BRAF: variants seen among roughly 807,000 people sequenced by gnomAD.
BRAF encodes B-Raf proto-oncogene, serine/threonine kinase, also known as serine/threonine-protein kinase B-raf.
Under a neutral mutation model 104.6 loss-of-function variants are expected in BRAF, and 16 were observed. The observed-to-expected ratio is 0.15, with a 90% CI of 0.10 to 0.23. The LOEUF (loss-of-function observed/expected upper bound fraction) is 0.23. Ranked by LOEUF, BRAF falls within the 10% of genes least tolerant of loss-of-function variation. BRAF has a pLI of 1.00. For missense variants in BRAF, 541 were observed against 937.3 expected, an observed-to-expected ratio of 0.58 and a Z score of 5.52; for synonymous variants, 310 against 341.6, an observed-to-expected ratio of 0.91 and a Z score of 1.02.
rs1306720885 is a variant in BRAF at position 140,720,541 on chromosome 7, TAAAA to T, written c.*5949_*5952del. 2.8e-5 allele frequency: 30 copies of T among 1,065,184 alleles called. No homozygotes were observed. The Admixed American group carries it at 3.7e-4, about 13-fold the overall frequency. The allele number at this position is 1,065,184 out of a possible 1,614,324, so 66.0% of individuals were successfully genotyped here. On this transcript the variant is annotated 3_prime_UTR_variant, in exon 20 of 20. Transcript: ENST00000644969. Reference sequence around the variant, plus strand: ...AAATGTATTAGGAAGGAATGATTCTTAAAAAAACCGTTCACAGCTTAGAATAAAA... The same window carrying T: ...AAATGTATTAGGAAGGAATGATTCTTAAACCGTTCACAGCTTAGAATAAAA...
At chr7:140,739,789 G>T (rs2130898598) in intron 18 of BRAF, 23 bp downstream of exon 17, 1 of 1,611,348 alleles carries the variant, frequency 6.2e-7, no homozygotes, top group Non-Finnish European at 8.5e-7. Flanking sequence ...TGTTCTTTTG[G>T]ATAGCATGAA....
In BRAF at chr7:140,908,305, T is replaced by C. The variant is rs371589364; in HGVS notation, c.138+16261A>G. Among the ~76,000 whole-genome samples the C allele has an allele frequency of 7.9e-5, 12 of 152,326 alleles. 1 individual carries two copies. The South Asian group carries it at 8.3e-4, about 11-fold the overall frequency. Reference sequence around the variant, plus strand: ...CATTGCTGAAAGAATTCTACATATATATTACATATTATATATCTCTCAGGT... The same window carrying C: ...CATTGCTGAAAGAATTCTACATATACATTACATATTATATATCTCTCAGGT... On this transcript the variant is annotated intron_variant, in intron 1 of 19. Coordinates refer to ENST00000644969, the MANE Select transcript of BRAF (RefSeq NM_001374258.1).
In BRAF at chr7:140,719,838, C is replaced by A. The variant is rs952384670; in HGVS notation, c.*6656G>T. 7 of 1,063,000 alleles carry A rather than the reference C, an allele frequency of 6.6e-6. No individual in the cohort carries two copies. Among genetic ancestry groups the A allele is most frequent in the Non-Finnish European group, 6.8e-6 (6 of 877,922 alleles). The allele number at this position is 1,063,000 out of a possible 1,614,324, so 65.8% of individuals were successfully genotyped here. The stretch of plus-strand genomic sequence containing the variant: ...GGGCACGCCCCAGACTCCACGAGAA[C>A]CTTTTCAATGCTTGAGTGGAACTGA... On this transcript the variant is annotated 3_prime_UTR_variant, in exon 20 of 20. Transcript: ENST00000644969.
intron 17 of BRAF, chr7:140,740,296 G>T: frequency 4.8e-6 from 1 of 209,586 alleles, no homozygotes. Flanking sequence ...AATTTATTCA[G>T]CACTTCTTGT....
At chr7:140,741,152 T>C (rs897299321) in intron 17 of BRAF, 14 of 152,146 alleles carry the variant, frequency 9.2e-5, no homozygotes, top group Non-Finnish European at 1.6e-4. Flanking sequence ...TACTTGGCTA[T>C]CAGTGGAAAA....
chr7:140,909,361 G>C (rs935138320), intron 1 of BRAF, among the ~76,000 whole-genome samples: 7 of 152,062 alleles, frequency 4.6e-5, no homozygotes, highest in African/African-American at 1.7e-4. Flanking sequence ...GGAGGCGAAG[G>C]TTTTGGTGAG....
intron 3 of BRAF, among the ~76,000 whole-genome samples, chr7:140,818,090 A>G (rs1465608604): frequency 6.6e-6 from 1 of 152,054 alleles, no homozygotes; most frequent in Non-Finnish European, 1.5e-5. Flanking sequence ...AAATACAAAA[A>G]TATGATTGAA....
chr7:140,877,593 C>G (rs1032694937), intron 1 of BRAF, among the ~76,000 whole-genome samples: 3 of 151,966 alleles, frequency 2.0e-5, no homozygotes, highest in African/African-American at 4.8e-5. Flanking sequence ...AAGACCAATA[C>G]AATTTACAAA....
intron 1 of BRAF, among the ~76,000 whole-genome samples, chr7:140,885,866 A>G (rs762219238): frequency 1.3e-5 from 2 of 152,184 alleles, no homozygotes; most frequent in African/African-American, 4.8e-5. Context: ...TGTATGTGGG[A>G]GTAAGAGTAT....
At chr7:140,738,604 G>A (rs1329670322) in intron 18 of BRAF, among the ~76,000 whole-genome samples, 1 of 152,082 alleles carries the variant, frequency 6.6e-6, no homozygotes, top group Non-Finnish European at 1.5e-5. Flanking sequence ...AGCTAGTTGA[G>A]GTATTTAGAT....
chr7:140,751,698 GC>G (rs1269381123), intron 16 of BRAF, among the ~76,000 whole-genome samples: 11 of 152,054 alleles, frequency 7.2e-5, no homozygotes, highest in Non-Finnish European at 1.6e-4. Context: ...CTTCCACCTT[GC>G]CACCTGCCCT....
At chr7:140,728,546 A>G (rs1563225481) in intron 19 of BRAF, among the ~76,000 whole-genome samples, 1 of 151,558 alleles carries the variant, frequency 6.6e-6, no homozygotes, top group East Asian at 1.9e-4. Context: ...TCTAGCACTG[A>G]TTTAAAAAAA....
intron 1 of BRAF, among the ~76,000 whole-genome samples, chr7:140,854,666 C>T (rs2129077411): frequency 6.6e-6 from 1 of 152,246 alleles, no homozygotes; most frequent in South Asian, 2.1e-4. Context: ...TAAGATTGGG[C>T]TGGGAGTGGT....
chr7:140,791,587 A>G (rs1399226443), intron 8 of BRAF, among the ~76,000 whole-genome samples: 3 of 145,876 alleles, frequency 2.1e-5, no homozygotes, highest in African/African-American at 4.9e-5. Context: ...TGACATAAAT[A>G]TGCTAATTAC....
Position 140,763,411 on chromosome 7 carries a change from C to A in BRAF, c.1815-9178G>T, listed in dbSNP as rs1017488055. On this transcript the variant is annotated intron_variant, in intron 14 of 19. Transcript: ENST00000644969. ...CTCCTCACTTCCCAGTAGGGGCGGCCGGGCAGAGGCGCCCCTCACCTCCCG... is the reference window on the plus strand; with the variant it reads ...CTCCTCACTTCCCAGTAGGGGCGGCAGGGCAGAGGCGCCCCTCACCTCCCG... Among the ~76,000 whole-genome samples, 4 of 150,364 alleles carry A rather than the reference C, an allele frequency of 2.7e-5. No individual in the cohort carries two copies. The East Asian group carries it at 7.9e-4, about 30-fold the overall frequency.
intron 3 of BRAF, 181 bp downstream of exon 3, chr7:140,834,428 T>C: frequency 1.2e-6 from 1 of 869,568 alleles, no homozygotes. Context: ...ATACCATTTA[T>C]TTCAGTTAAG....
rs374126926 is a variant in BRAF, at chr7:140,769,082, C to CT, written c.1814+7829dup. Among the ~76,000 whole-genome samples the CT allele has an allele frequency of 1.6e-3, 236 of 146,224 alleles. 2 individuals are homozygous for CT. Among genetic ancestry groups the CT allele is most frequent in the East Asian group, 2.6e-3 (13 of 5,034 alleles). On this transcript the variant is annotated intron_variant, in intron 14 of 19. Coordinates refer to ENST00000644969, the MANE Select transcript of BRAF (RefSeq NM_001374258.1). Reference sequence around the variant, plus strand: ...GAAAATGGACTAAAACACCTCCAGTCTTTTTTTTTTTTGAGACAGAATCTC... The same window carrying CT: ...GAAAATGGACTAAAACACCTCCAGTCTTTTTTTTTTTTTGAGACAGAATCTC...
At chr7:140,849,203 T>C (rs1808889707) in intron 2 of BRAF, among the ~76,000 whole-genome samples, 1 of 152,204 alleles carries the variant, frequency 6.6e-6, no homozygotes. Context: ...TTGTTGGCTG[T>C]GGAGTCTGAC....
chr7:140,740,088 C>A (rs1796784258), intron 17 of BRAF, 142 bp from the exon 17 acceptor site: 2 of 841,850 alleles, frequency 2.4e-6, no homozygotes, highest in Admixed American at 5.2e-5. Context: ...TTTTAAAAAA[C>A]CAATGCCACA....
Sources: gnomAD v4.1 joint callset for allele counts (sites outside exome capture counted in the v4.1 genomes callset) on GRCh38, gnomAD v4.1.1 for gene constraint, MANE v1.5 for transcripts, NCBI Gene and HGNC (gene_info 2026-07-23, HGNC 2026-07-21) for gene names.